GPC6: variants seen among roughly 807,000 people sequenced by gnomAD.
GPC6 encodes glypican 6.
A neutral mutation model predicts 55.2 loss-of-function variants in GPC6; 14 were observed. That is an observed-to-expected ratio of 0.25 (90% CI 0.17 to 0.40). GPC6 has a LOEUF of 0.40. Ranked by LOEUF, GPC6 falls within the 10% of genes least tolerant of loss-of-function variation. GPC6 has a pLI of 1.00. For missense variants in GPC6, 641 were observed against 708.5 expected (o/e 0.90, Z 1.08); for synonymous variants, 278 against 259.6 (o/e 1.07, Z -0.68).
At chr13:93,814,911 G>A (rs1335586673) in intron 2 of GPC6, among the ~76,000 whole-genome samples, 1 of 152,076 alleles carries the variant, frequency 6.6e-6, no homozygotes, top group Non-Finnish European at 1.5e-5. Context: ...GGAGAGATGG[G>A]CACAGAGGGA....
intron 3 of GPC6, among the ~76,000 whole-genome samples, chr13:93,867,449 C>T (rs989958055): frequency 2.0e-5 from 3 of 151,624 alleles, no homozygotes; most frequent in African/African-American, 7.3e-5. Flanking sequence ...TTCCTTATCT[C>T]TAAAATAGGG....
intron 2 of GPC6, among the ~76,000 whole-genome samples, chr13:93,744,107 T>G (rs926097920): frequency 1.3e-5 from 2 of 152,212 alleles, no homozygotes; most frequent in Non-Finnish European, 2.9e-5. Flanking sequence ...CAGATTATTC[T>G]CAGTTTTTGC....
chr13:94,217,698 C>T (rs1890264693), intron 4 of GPC6, among the ~76,000 whole-genome samples: 1 of 152,176 alleles, frequency 6.6e-6, no homozygotes, highest in African/African-American at 2.4e-5. Context: ...TCTACTGTAT[C>T]CTGTGAAACA....
At chr13:94,117,802 CAA>C (rs1441480821) in intron 4 of GPC6, among the ~76,000 whole-genome samples, 2 of 151,926 alleles carry the variant, frequency 1.3e-5, no homozygotes, top group Non-Finnish European at 2.9e-5. Context: ...CTCATTGGGG[CAA>C]ATGAATAACA....
chr13:94,286,805 GTCTGC>G (rs1892544854), intron 5 of GPC6, among the ~76,000 whole-genome samples: 1 of 152,112 alleles, frequency 6.6e-6, no homozygotes, highest in Non-Finnish European at 1.5e-5. Flanking sequence ...TGTTTGAAAT[GTCTGC>G]ACACCCTCGC....
At chr13:93,374,499 A>G (rs1409589600) in intron 1 of GPC6, among the ~76,000 whole-genome samples, 5 of 152,196 alleles carry the variant, frequency 3.3e-5, no homozygotes, top group Non-Finnish European at 7.3e-5. Flanking sequence ...CCAATTAATA[A>G]GTACGAGTAA....
At chr13:94,272,684 G>A (rs148633956) in intron 4 of GPC6, among the ~76,000 whole-genome samples, 9,367 of 151,766 alleles carry the variant, frequency 0.062, 352 homozygotes, top group African/African-American at 0.099. Context: ...TAGCCAGGAT[G>A]GTCTCAATTT....
At chr13:93,706,296 A>T (rs1466985485) in intron 2 of GPC6, among the ~76,000 whole-genome samples, 3 of 151,914 alleles carry the variant, frequency 2.0e-5, no homozygotes, top group Non-Finnish European at 4.4e-5. Context: ...ATGAATATTC[A>T]CCTATTTAAA....
chr13:93,802,661 T>C (rs1385852038), intron 2 of GPC6, among the ~76,000 whole-genome samples: 5 of 152,082 alleles, frequency 3.3e-5, no homozygotes, highest in Non-Finnish European at 7.3e-5. Flanking sequence ...TGCCTCAGCC[T>C]CTCCAGAATT....
chr13:94,325,753 A>G (rs931894386), intron 6 of GPC6, among the ~76,000 whole-genome samples: 9 of 152,072 alleles, frequency 5.9e-5, no homozygotes, highest in African/African-American at 2.2e-4. Context: ...CTCCTTCCCA[A>G]CCCTTTTGAT....
chr13:93,325,033 C>G (rs893475521), intron 1 of GPC6, among the ~76,000 whole-genome samples: 1 of 152,108 alleles, frequency 6.6e-6, no homozygotes, highest in Non-Finnish European at 1.5e-5. Context: ...AGCAATTGAG[C>G]TATTAAAATT....
At chr13:93,991,829 A>G (rs889158317) in intron 3 of GPC6, among the ~76,000 whole-genome samples, 2 of 152,188 alleles carry the variant, frequency 1.3e-5, no homozygotes, top group Non-Finnish European at 2.9e-5. Context: ...AGTATGTGTA[A>G]TGATATAACA....
intron 1 of GPC6, among the ~76,000 whole-genome samples, chr13:93,336,249 G>T (rs1209038528): frequency 6.6e-6 from 1 of 152,156 alleles, no homozygotes; most frequent in East Asian, 1.9e-4. Context: ...GGAGTAAAAA[G>T]TTTTTGCAGA....
intron 6 of GPC6, among the ~76,000 whole-genome samples, chr13:94,333,195 T>G (rs1877513651): frequency 6.6e-6 from 1 of 152,234 alleles, no homozygotes; most frequent in African/African-American, 2.4e-5. Flanking sequence ...TACTATAAAT[T>G]TCTTCCACTT....
chr13:94,326,209 A>ACG (rs1877108196), intron 6 of GPC6, among the ~76,000 whole-genome samples: 2 of 119,150 alleles, frequency 1.7e-5, no homozygotes, highest in Admixed American at 1.5e-4. Context: ...GCTTGTGCAC[A>ACG]CACACACACA....
intron 7 of GPC6, among the ~76,000 whole-genome samples, chr13:94,393,957 T>C (rs1235848826): frequency 6.6e-6 from 1 of 152,124 alleles, no homozygotes. Context: ...GGGGCTGTGG[T>C]TGGCTGCTGG....
rs567821875 is a variant in GPC6 at position 94,219,159 on chromosome 13, C to T, written c.878-67190C>T. On this transcript the variant is annotated intron_variant, in intron 4 of 8. Transcript: ENST00000377047. ...GCAATAACATGCCCTTTAAAAGAGT[C>T]GACTGCTTTTCAAGCAGAGATATAG... 2.0e-4 allele frequency among the ~76,000 whole-genome samples: 31 copies of T among 152,166 alleles called. 2 individuals are homozygous for T. The highest frequency in any genetic ancestry group is 1.8e-3 in the Admixed American group (27 of 15,278).
intron 3 of GPC6, among the ~76,000 whole-genome samples, chr13:93,902,421 T>C (rs1876410655): frequency 6.6e-6 from 1 of 152,194 alleles, no homozygotes; most frequent in African/African-American, 2.4e-5. Context: ...TCTCATTGTG[T>C]ATATATACCA....
chr13:94,168,294 C>T (rs754582325), intron 4 of GPC6, among the ~76,000 whole-genome samples: 5 of 152,188 alleles, frequency 3.3e-5, no homozygotes, highest in Non-Finnish European at 5.9e-5. Flanking sequence ...TCTGCTATCT[C>T]GGAGATTCTA....
Sources: gnomAD v4.1 joint callset for allele counts (sites outside exome capture counted in the v4.1 genomes callset) on GRCh38, gnomAD v4.1.1 for gene constraint, MANE v1.5 for transcripts, NCBI Gene and HGNC (gene_info 2026-07-23, HGNC 2026-07-21) for gene names.